DPT: variants seen among roughly 807,000 people sequenced by gnomAD.
The protein encoded by DPT is tyrosine-rich acidic matrix protein.
Under a neutral mutation model 31.2 loss-of-function variants are expected in DPT, and 21 were observed. The ratio of observed to expected loss-of-function variants is 0.67; its 90% CI spans 0.48 to 0.97. DPT has a LOEUF of 0.97. Among genes scored for constraint, DPT ranks in the 50% least tolerant of loss-of-function variants. The probability of loss-of-function intolerance (pLI) is 0.00; values close to 1 mark genes in which losing one functional copy is unlikely to be tolerated. For missense variants in DPT, 262 were observed against 258.8 expected (o/e 1.01, Z -0.08); for synonymous variants, 91 against 86.9 (o/e 1.05, Z -0.26).
At chr1:168,719,300 CCATTCCTCTCATT>C (rs1326197531) in intron 1 of DPT, among the ~76,000 whole-genome samples, 8 of 152,126 alleles carry the variant, frequency 5.3e-5, no homozygotes, top group African/African-American at 9.7e-5. Context: ...TTCCTCTCCT[CCATTCCTCTCATT>C]TTCACTTTTA....
chr1:168,728,831 T>A (rs1650308230), intron 1 of DPT, 39 bp downstream of exon 1: 1 of 1,600,852 alleles, frequency 6.2e-7, no homozygotes, highest in South Asian at 1.1e-5. Context: ...TATGCAGAGA[T>A]GTTCCCAGCC....
intron 2 of DPT, among the ~76,000 whole-genome samples, chr1:168,711,849 G>A (rs907684146): frequency 2.0e-5 from 3 of 152,142 alleles, no homozygotes; most frequent in African/African-American, 7.2e-5. Context: ...GTAGCCTGAA[G>A]TCATTCCTTC....
At chr1:168,717,912 C>T (rs1305927488) in intron 1 of DPT, among the ~76,000 whole-genome samples, 2 of 152,150 alleles carry the variant, frequency 1.3e-5, no homozygotes, top group Non-Finnish European at 2.9e-5. Flanking sequence ...GGAAAGGTAG[C>T]TTTAGGGGCT....
chr1:168,700,502 AC>A (rs1455188233), intron 3 of DPT, among the ~76,000 whole-genome samples: 1 of 152,006 alleles, frequency 6.6e-6, no homozygotes, highest in African/African-American at 2.4e-5. Flanking sequence ...CTTTCCTAAA[AC>A]CCAAAGTGGG....
intron 1 of DPT, among the ~76,000 whole-genome samples, chr1:168,724,871 G>T (rs954095563): frequency 1.3e-5 from 2 of 152,128 alleles, no homozygotes; most frequent in African/African-American, 4.8e-5. Context: ...TCTGTGGCTT[G>T]TCATTGAATT....
chr1:168,712,467 A>G (rs925031168), intron 2 of DPT, among the ~76,000 whole-genome samples: 1 of 152,198 alleles, frequency 6.6e-6, no homozygotes, highest in Non-Finnish European at 1.5e-5. Context: ...CTGACTGAGT[A>G]TTAGGTTTTG....
At chr1:168,724,111 C>T (rs549868263) in intron 1 of DPT, among the ~76,000 whole-genome samples, 7 of 152,216 alleles carry the variant, frequency 4.6e-5, no homozygotes, top group East Asian at 1.9e-4. Context: ...TGAAATTGAT[C>T]GAGACCTTAA....
rs181493500 is a variant in DPT at position 168,727,644 on chromosome 1, C to T, written c.305+1226G>A. On this transcript the variant is annotated intron_variant, in intron 1 of 3. Transcript: ENST00000367817. Reference sequence around the variant, plus strand: ...CCTCGACTCCCTGGGCTCAAGTGATCCTCCTACCTTAGCCTCCTGAGTAGC... The same window carrying T: ...CCTCGACTCCCTGGGCTCAAGTGATTCTCCTACCTTAGCCTCCTGAGTAGC... Among the ~76,000 whole-genome samples, 23 of 151,014 alleles carry T rather than the reference C, an allele frequency of 1.5e-4. No individual in the cohort carries two copies. The East Asian group carries it at 4.1e-3, about 27-fold the overall frequency.
chr1:168,723,835 A>T (rs901742452), intron 1 of DPT, among the ~76,000 whole-genome samples: 12 of 152,214 alleles, frequency 7.9e-5, no homozygotes, highest in East Asian at 3.9e-4. Flanking sequence ...TTATTTTTTT[A>T]AATTTTATTT....
chr1:168,698,473 T>A (rs1649513099), intron 3 of DPT, among the ~76,000 whole-genome samples: 1 of 152,182 alleles, frequency 6.6e-6, no homozygotes, highest in African/African-American at 2.4e-5. Context: ...GATCTTATGA[T>A]CAGGCATTCA....
At chr1:168,698,839 A>G (rs756850425) in intron 3 of DPT, among the ~76,000 whole-genome samples, 2 of 152,088 alleles carry the variant, frequency 1.3e-5, no homozygotes, top group Non-Finnish European at 2.9e-5. Flanking sequence ...CTGCCCTGAC[A>G]ATAGTTCTCC....
intron 3 of DPT, among the ~76,000 whole-genome samples, chr1:168,700,618 T>G (rs548775689): frequency 6.6e-6 from 1 of 152,212 alleles, no homozygotes; most frequent in East Asian, 1.9e-4. Flanking sequence ...AAAGTGCTCT[T>G]TGAAATTGAG....
chr1:168,702,612 CTTTTTTTT>C (rs10656421), intron 2 of DPT, among the ~76,000 whole-genome samples: 2 of 132,434 alleles, frequency 1.5e-5, no homozygotes, highest in Non-Finnish European at 3.2e-5. Flanking sequence ...AGGTAAATGT[CTTTTTTTT>C]TTTTTTTTTG....
At chr1:168,721,162 G>A (rs1650106526) in intron 1 of DPT, among the ~76,000 whole-genome samples, 1 of 152,178 alleles carries the variant, frequency 6.6e-6, no homozygotes, top group Admixed American at 6.5e-5. Context: ...CAGTGAAGTG[G>A]CAAGGGACAG....
intron 3 of DPT, among the ~76,000 whole-genome samples, chr1:168,697,607 A>G (rs999321922): frequency 6.6e-6 from 1 of 152,242 alleles, no homozygotes; most frequent in Non-Finnish European, 1.5e-5. Flanking sequence ...TTATTCATCC[A>G]TTTAAGAGAA....
At chr1:168,712,056 T>C (rs1330169927) in intron 2 of DPT, among the ~76,000 whole-genome samples, 1 of 152,174 alleles carries the variant, frequency 6.6e-6, no homozygotes. Context: ...TTAATGTGGA[T>C]ATTTGTTCAA....
rs763876200 is a variant in DPT at position 168,714,206 on chromosome 1, G to A, written c.431+15C>T. The A allele has an allele frequency of 2.7e-5, 43 of 1,613,940 alleles. No homozygotes were observed. In the East Asian group the frequency reaches 3.6e-4, roughly 13 times the overall value. ...CCCCAGGAGTCATGAGGGTTTGGTCGGCTGCCAGACTCACCAGCAGGAATA... is the reference window on the plus strand; with the variant it reads ...CCCCAGGAGTCATGAGGGTTTGGTCAGCTGCCAGACTCACCAGCAGGAATA... On this transcript the variant is annotated intron_variant, in intron 2 of 3. Coordinates refer to ENST00000367817, the MANE Select transcript of DPT (RefSeq NM_001937.5).
At chr1:168,704,547 A>AAACAAC (rs59849641) in intron 2 of DPT, among the ~76,000 whole-genome samples, 2 of 152,158 alleles carry the variant, frequency 1.3e-5, no homozygotes, top group African/African-American at 4.8e-5. Flanking sequence ...ACTCCGTCTC[A>AAACAAC]AACAACAACA....
At chr1:168,722,166 A>G (rs775433489) in intron 1 of DPT, among the ~76,000 whole-genome samples, 11 of 152,218 alleles carry the variant, frequency 7.2e-5, no homozygotes, top group Non-Finnish European at 1.5e-4. Flanking sequence ...GAGCTACATT[A>G]GCATCACAGT....
Sources: gnomAD v4.1 joint callset for allele counts (sites outside exome capture counted in the v4.1 genomes callset) on GRCh38, gnomAD v4.1.1 for gene constraint, MANE v1.5 for transcripts, NCBI Gene and HGNC (gene_info 2026-07-23, HGNC 2026-07-21) for gene names.